CMIP: variants seen among roughly 807,000 people sequenced by gnomAD.
The protein encoded by CMIP is C-Maf-inducing protein.
In CMIP, 13 loss-of-function variants were observed where a neutral mutation model predicts 97.3. That is an observed-to-expected ratio of 0.13 (90% CI 0.09 to 0.21). The LOEUF is 0.21. Ranked by LOEUF, CMIP falls within the 10% of genes least tolerant of loss-of-function variation. CMIP has a pLI of 1.00. For synonymous variants in CMIP, 538 were observed against 436.3 expected (o/e 1.23, Z -2.91); for missense variants, 847 against 1,024.9 (o/e 0.83, Z 2.37).
intron 1 of CMIP, among the ~76,000 whole-genome samples, chr16:81,468,096 C>G (rs1567530580): frequency 6.6e-6 from 1 of 152,024 alleles, no homozygotes; most frequent in Non-Finnish European, 1.5e-5. Context: ...GTCCTCTAGT[C>G]CAGGTGAACA....
chr16:81,521,032 G>A (rs1441118148), intron 1 of CMIP, among the ~76,000 whole-genome samples: 3 of 152,218 alleles, frequency 2.0e-5, no homozygotes, highest in Non-Finnish European at 4.4e-5. Flanking sequence ...GATGCATTTT[G>A]CCCTGGAGCT....
intron 10 of CMIP, among the ~76,000 whole-genome samples, chr16:81,683,604 G>C (rs1905087306): frequency 6.6e-6 from 1 of 152,004 alleles, no homozygotes; most frequent in Non-Finnish European, 1.5e-5. Context: ...TGGCCAGGCT[G>C]GTCTCGAACT....
intron 13 of CMIP, chr16:81,695,919 A>G (rs548884714): frequency 3.1e-4 from 46 of 150,010 alleles, no homozygotes; most frequent in Non-Finnish European, 3.7e-4. Context: ...AAAGAGGGGG[A>G]GAGAGAGAGA....
At chr16:81,488,479 T>C (rs541923826) in intron 1 of CMIP, among the ~76,000 whole-genome samples, 7 of 152,326 alleles carry the variant, frequency 4.6e-5, no homozygotes, top group South Asian at 4.1e-4. Flanking sequence ...TTAGCCATCA[T>C]TGTAGTCATC....
In CMIP at chr16:81,445,214, G is replaced by GCCC; in HGVS notation, c.-25_-23dup. The GCCC allele has an allele frequency of 1.6e-6, 1 of 636,440 alleles. No individual in the cohort carries two copies. Among genetic ancestry groups the GCCC allele is most frequent in the Non-Finnish European group, 2.5e-6 (1 of 403,292 alleles). 39.4% of individuals were successfully genotyped at this position (636,440 alleles called of 1,614,324 possible). On this transcript the variant is annotated 5_prime_UTR_variant, in exon 1 of 21. Transcript: ENST00000537098. Reference sequence around the variant, plus strand: ...CAGCCCAGGACAGCCCCCTCTCCCCGCCCCCAGCCCCCTCCCCCGGCGCGG... The same window carrying GCCC: ...CAGCCCAGGACAGCCCCCTCTCCCCGCCCCCCCCAGCCCCCTCCCCCGGCGCGG...
chr16:81,523,604 G>A (rs2090071638), intron 1 of CMIP, among the ~76,000 whole-genome samples: 1 of 152,214 alleles, frequency 6.6e-6, no homozygotes, highest in African/African-American at 2.4e-5. Context: ...CCCAACCGTG[G>A]TTGCCTCATT....
chr16:81,465,696 C>T (rs1296651055), intron 1 of CMIP, among the ~76,000 whole-genome samples: 1 of 152,224 alleles, frequency 6.6e-6, no homozygotes, highest in African/African-American at 2.4e-5. Flanking sequence ...CTGGCTCGAC[C>T]ATTTCGCCTG....
chr16:81,701,496 A>G (rs980479707), intron 15 of CMIP, among the ~76,000 whole-genome samples, 164 bp from the exon 16 acceptor site: 18 of 152,224 alleles, frequency 1.2e-4, no homozygotes, highest in African/African-American at 4.1e-4. Flanking sequence ...CCATTGTACA[A>G]GCAGGAAGTT....
At chr16:81,468,856 C>T (rs766445606) in intron 1 of CMIP, among the ~76,000 whole-genome samples, 4 of 152,222 alleles carry the variant, frequency 2.6e-5, no homozygotes, top group African/African-American at 4.8e-5. Context: ...GCCTGGCACA[C>T]GCTCCATAGG....
chr16:81,679,574 C>T (rs937246479), intron 10 of CMIP, among the ~76,000 whole-genome samples: 2 of 151,748 alleles, frequency 1.3e-5, no homozygotes, highest in African/African-American at 4.8e-5. Flanking sequence ...GTATTTGTGC[C>T]GTGTGCCTGG....
At chr16:81,497,882 C>T (rs2089521329) in intron 1 of CMIP, among the ~76,000 whole-genome samples, 1 of 152,264 alleles carries the variant, frequency 6.6e-6, no homozygotes, top group Admixed American at 6.5e-5. Context: ...GGGTCCCCTG[C>T]AGGCCACCAT....
intron 1 of CMIP, among the ~76,000 whole-genome samples, chr16:81,470,778 A>G (rs1451050809): frequency 6.6e-6 from 1 of 152,278 alleles, no homozygotes; most frequent in Non-Finnish European, 1.5e-5. Flanking sequence ...TTTTGTAAGT[A>G]GAAAATGATT....
chr16:81,661,101 C>T (rs573025257), intron 6 of CMIP, among the ~76,000 whole-genome samples, 155 bp downstream of exon 6: 1 of 152,348 alleles, frequency 6.6e-6, no homozygotes, highest in African/African-American at 2.4e-5. Flanking sequence ...GCCCGGCACC[C>T]ATTCTTAGGG....
chr16:81,517,816 C>T (rs2089945377), intron 1 of CMIP: 1 of 293,214 alleles, frequency 3.4e-6, no homozygotes. Context: ...TCGGGAATGC[C>T]GTTTTTGGAG....
chr16:81,540,870 C>G (rs1451674477), intron 1 of CMIP, among the ~76,000 whole-genome samples: 1 of 151,848 alleles, frequency 6.6e-6, no homozygotes, highest in Non-Finnish European at 1.5e-5. Context: ...TTAGTAGAGA[C>G]AGGGTTTCAC....
chr16:81,495,361 G>T, intron 1 of CMIP: 1 of 1,490,138 alleles, frequency 6.7e-7, no homozygotes, highest in Non-Finnish European at 9.0e-7. Context: ...CTTCTTGGAT[G>T]GGCTGGGCGT....
intron 8 of CMIP, among the ~76,000 whole-genome samples, chr16:81,670,932 A>G (rs919570340): frequency 2.6e-5 from 4 of 152,056 alleles, no homozygotes; most frequent in Admixed American, 6.5e-5. Context: ...GGGTTCAAGC[A>G]ATTCTCCTGC....
intron 1 of CMIP, among the ~76,000 whole-genome samples, chr16:81,506,323 C>T (rs1015448234): frequency 5.3e-5 from 8 of 152,118 alleles, no homozygotes; most frequent in South Asian, 2.1e-4. Flanking sequence ...TGAGCAAGGG[C>T]CCCCAGAGAA....
At chr16:81,682,409 A>G (rs777169392) in intron 10 of CMIP, among the ~76,000 whole-genome samples, 4 of 152,098 alleles carry the variant, frequency 2.6e-5, no homozygotes, top group Non-Finnish European at 4.4e-5. Context: ...TACTAAAAAT[A>G]CAAAAATTAG....
Sources: gnomAD v4.1 joint callset for allele counts (sites outside exome capture counted in the v4.1 genomes callset) on GRCh38, gnomAD v4.1.1 for gene constraint, MANE v1.5 for transcripts, NCBI Gene and HGNC (gene_info 2026-07-23, HGNC 2026-07-21) for gene names.